IFT52: variants seen among roughly 807,000 people sequenced by gnomAD.
IFT52 encodes the protein intraflagellar transport protein 52 homolog.
In IFT52, 44 loss-of-function variants were observed where a neutral mutation model predicts 54.4. The ratio of observed to expected loss-of-function variants is 0.81; its 90% CI spans 0.63 to 1.04. The LOEUF (loss-of-function observed/expected upper bound fraction) is 1.04. IFT52 is among the 50% of genes least tolerant of loss of function. The probability of loss-of-function intolerance (pLI) is 0.00; values close to 1 mark genes in which losing one functional copy is unlikely to be tolerated. For missense variants in IFT52, 452 were observed against 523.6 expected (o/e 0.86, Z 1.33); for synonymous variants, 181 against 185.3 (o/e 0.98, Z 0.19).
chr20:43,633,981 T>C (rs935818019), intron 10 of IFT52, among the ~76,000 whole-genome samples: 14 of 151,862 alleles, frequency 9.2e-5, no homozygotes, highest in African/African-American at 2.2e-4. Flanking sequence ...CTGGGCAACA[T>C]AGTGAGCCCT....
rs1250294737 is a variant in IFT52 at position 43,646,921 on chromosome 20, T to C, written c.1267-15T>C. 10 of 1,609,292 alleles carry C rather than the reference T, an allele frequency of 6.2e-6. No homozygotes were observed. The highest frequency in any genetic ancestry group is 5.3e-5 in the African/African-American group (4 of 74,822). On this transcript the variant is annotated splice_polypyrimidine_tract_variant and intron_variant, in intron 13 of 13. Coordinates refer to ENST00000373030, the MANE Select transcript of IFT52 (RefSeq NM_016004.5). The stretch of plus-strand genomic sequence containing the variant: ...ACTGAAATACTAAAATTCTGTGTCT[T>C]ATTCTCTCATCCAGGAACATGACAT...
intron 10 of IFT52, among the ~76,000 whole-genome samples, chr20:43,633,616 G>T (rs2145662779): frequency 6.6e-6 from 1 of 152,154 alleles, no homozygotes; most frequent in East Asian, 1.9e-4. Context: ...GTTGAGGCAG[G>T]AGCATCGCTT....
intron 6 of IFT52, among the ~76,000 whole-genome samples, chr20:43,607,272 C>G (rs1179055410): frequency 6.6e-6 from 1 of 150,558 alleles, no homozygotes; most frequent in African/African-American, 2.5e-5. Flanking sequence ...CTGACCCCCC[C>G]ACCTCCCTCC....
Position 43,647,090 on chromosome 20 carries a change from C to A in IFT52, c.*107C>A. 1 of 969,110 alleles carries A rather than the reference C, an allele frequency of 1.0e-6. No individual in the cohort carries two copies. 60.0% of individuals were successfully genotyped at this position (969,110 alleles called of 1,614,324 possible). A position where few individuals can be genotyped will look rare whatever the true frequency, so the allele number is the denominator to read the frequency against. Reference sequence around the variant, plus strand: ...AAAATTGTTTATACACTCTTTCCTCCATGAGCTCTGGAAGGTATATGCATC... The same window carrying A: ...AAAATTGTTTATACACTCTTTCCTCAATGAGCTCTGGAAGGTATATGCATC... On this transcript the variant is annotated 3_prime_UTR_variant, in exon 14 of 14. Coordinates refer to ENST00000373030, the MANE Select transcript of IFT52 (RefSeq NM_016004.5).
intron 10 of IFT52, 90 bp downstream of exon 10, chr20:43,624,135 C>T (rs1399777475): frequency 1.0e-5 from 14 of 1,342,808 alleles, no homozygotes; most frequent in Non-Finnish European, 1.4e-5. Context: ...ATTAGGGTCA[C>T]AGTAAATGTG....
At chr20:43,627,920 GA>G (rs373698353) in intron 10 of IFT52, among the ~76,000 whole-genome samples, 34,207 of 58,198 alleles carry the variant, frequency 0.59, 11,867 homozygotes, top group Non-Finnish European at 0.67. Context: ...GAGAGAGAGA[GA>G]GTTTTTTTTT....
intron 7 of IFT52, among the ~76,000 whole-genome samples, chr20:43,616,838 T>C (rs188429047): frequency 1.3e-5 from 2 of 152,122 alleles, no homozygotes; most frequent in Admixed American, 1.3e-4. Context: ...CTTGGCAACA[T>C]AGTAAGACCT....
chr20:43,613,767 T>C (rs1243656521), intron 6 of IFT52, 83 bp from the exon 7 acceptor site: 2 of 1,344,282 alleles, frequency 1.5e-6, no homozygotes, highest in South Asian at 1.2e-5. Context: ...AAAAGAGTGT[T>C]ACTCAAGAAA....
In IFT52 at chr20:43,626,016, T is replaced by C. The variant is rs1440826610; in HGVS notation, c.923+1971T>C. ...GCCTGGTCAACAGAGAGAGATCTTG[T>C]CTCCGGAAAAAAAAAAAAAAAAAAA... is the stretch of plus-strand genomic sequence containing the variant. On this transcript the variant is annotated intron_variant, in intron 10 of 13. Transcript: ENST00000373030. Among the ~76,000 whole-genome samples the C allele has an allele frequency of 1.7e-4, 15 of 89,328 alleles. 1 individual carries two copies. The highest frequency in any genetic ancestry group is 6.7e-4 in the East Asian group (2 of 2,982). 58.6% of individuals were successfully genotyped at this position (89,328 alleles called of 152,430 possible).
chr20:43,621,159 A>G (rs1984273092), intron 9 of IFT52: 3 of 337,024 alleles, frequency 8.9e-6, no homozygotes, highest in Middle Eastern at 8.0e-4. Flanking sequence ...TACAGTATGT[A>G]TATAAATTAG....
rs201225510 is a variant in IFT52, at chr20:43,596,435, C to G, written c.120C>G (p.Ser40Arg). The stretch of plus-strand genomic sequence containing the variant: ...TTTGCTTTTAAAATTGTATTTCCAG[C>G]TTAAAAGATGAAATCACATCTGAGA... ...KKLRSNWKIQ[S>R]LKDEITSEKL... The change falls in exon 3 of 14, where the codon AGC becomes AGG. Residue 40 changes from serine to arginine, a missense_variant and splice_region_variant. Transcript: ENST00000373030. The G allele has an allele frequency of 2.9e-5, 45 of 1,572,668 alleles. No homozygotes were observed. The highest frequency in any genetic ancestry group is 3.3e-5 in the Non-Finnish European group (38 of 1,150,464).
rs550206296 is a variant in IFT52 at position 43,608,133 on chromosome 20, C to T, written c.485+3060C>T. 2.7e-4 allele frequency among the ~76,000 whole-genome samples: 41 copies of T among 152,064 alleles called. No homozygotes were observed. The East Asian group carries it at 6.8e-3, about 25-fold the overall frequency. ...CTTCGGCTCGGCATCAGAGGGAGAC[C>T]GTGGAAAGAGAGGGAGAGGGAGACC... On this transcript the variant is annotated intron_variant, in intron 6 of 13. Coordinates refer to ENST00000373030, the MANE Select transcript of IFT52 (RefSeq NM_016004.5).
chr20:43,625,095 A>G (rs1025881788), intron 10 of IFT52, among the ~76,000 whole-genome samples: 1 of 152,124 alleles, frequency 6.6e-6, no homozygotes, highest in East Asian at 1.9e-4. Flanking sequence ...TTATCTAGCA[A>G]AACAGACAGG....
chr20:43,642,361 G>A, intron 12 of IFT52, 118 bp from the exon 13 acceptor site: 1 of 876,210 alleles, frequency 1.1e-6, no homozygotes, highest in Admixed American at 2.4e-5. Flanking sequence ...TTTAGGAAGA[G>A]GTGAGTGATC....
intron 10 of IFT52, among the ~76,000 whole-genome samples, chr20:43,626,390 A>G (rs1984725242): frequency 6.6e-6 from 1 of 151,314 alleles, no homozygotes; most frequent in African/African-American, 2.4e-5. Flanking sequence ...GAGCCTCCTG[A>G]GTAGCACCAC....
chr20:43,591,749 G>A (rs199990923), intron 1 of IFT52, among the ~76,000 whole-genome samples: 1 of 152,172 alleles, frequency 6.6e-6, no homozygotes, highest in East Asian at 1.9e-4. Flanking sequence ...AATTAAACTA[G>A]CATAGAAGAT....
At chr20:43,607,202 C>T (rs1335417365) in intron 6 of IFT52, among the ~76,000 whole-genome samples, 3 of 143,416 alleles carry the variant, frequency 2.1e-5, no homozygotes, top group African/African-American at 5.5e-5. Flanking sequence ...GGCGGCTGGC[C>T]GGGCGGGGGG....
Position 43,620,944 on chromosome 20 carries a change from G to A in IFT52, c.768+19G>A. Reference sequence around the variant, plus strand: ...CCCAGAGGTAGACACCGAATTATTAGAAACTTTTAAATGAAAAATGAGTCC... The same window carrying A: ...CCCAGAGGTAGACACCGAATTATTAAAAACTTTTAAATGAAAAATGAGTCC... On this transcript the variant is annotated intron_variant, in intron 9 of 13. Transcript: ENST00000373030. The A allele has an allele frequency of 6.3e-7, 1 of 1,587,968 alleles. No homozygotes were observed. The highest frequency in any genetic ancestry group is 8.6e-7 in the Non-Finnish European group (1 of 1,159,488).
Position 43,646,977 on chromosome 20 carries a change from T to C in IFT52, c.1308T>C (p.Asn436=). 6.2e-7 allele frequency: 1 copy of C among 1,613,520 alleles called. No individual in the cohort carries two copies. Among genetic ancestry groups the C allele is most frequent in the Admixed American group, 1.7e-5 (1 of 60,002 alleles). The part of the protein sequence containing the change: ...IDTSETAFQN[N]F Reference sequence around the variant, plus strand: ...CAAGTGAAACAGCATTCCAGAACAATTTCTGAAGACCATGCCTCTTGAAGC... The same window carrying C: ...CAAGTGAAACAGCATTCCAGAACAACTTCTGAAGACCATGCCTCTTGAAGC... The change falls in exon 14 of 14, where the codon AAT becomes AAC. Residue 436 remains asparagine (N), a synonymous_variant. Coordinates refer to ENST00000373030, the MANE Select transcript of IFT52 (RefSeq NM_016004.5).
Sources: gnomAD v4.1 joint callset for allele counts (sites outside exome capture counted in the v4.1 genomes callset) on GRCh38, gnomAD v4.1.1 for gene constraint, MANE v1.5 for transcripts, NCBI Gene and HGNC (gene_info 2026-07-23, HGNC 2026-07-21) for gene names.